NRP2: variants seen among roughly 807,000 people sequenced by gnomAD.
NRP2 encodes neuropilin-2.
NRP2 carries 52 observed loss-of-function variants against 110.4 expected under a neutral mutation model. The ratio of observed to expected loss-of-function variants is 0.47; its 90% CI spans 0.38 to 0.59. The LOEUF (loss-of-function observed/expected upper bound fraction) is 0.59, where lower values mean the gene tolerates loss of function less well. Among genes scored for constraint, NRP2 ranks in the 20% least tolerant of loss-of-function variants. The pLI, the probability that NRP2 is intolerant of heterozygous loss-of-function variation, is 0.00. For missense variants in NRP2, 1,049 were observed against 1,203.0 expected (o/e 0.87, Z 1.89); for synonymous variants, 508 against 468.9 (o/e 1.08, Z -1.08).
At position 205,683,064 on chromosome 2, in the gene NRP2, G is replaced by A. The variant is rs2056050397; in HGVS notation, c.-227G>A. ...AAGAGGAAAACCGTGTTCTCTTCCC[G>A]GCTTGTTCCCTCTTTGCTGATTTCA... On this transcript the variant is annotated 5_prime_UTR_variant, in exon 1 of 17. Coordinates refer to ENST00000357785, the MANE Select transcript of NRP2 (RefSeq NM_003872.3). The A allele has an allele frequency of 1.8e-6, 1 of 566,432 alleles. No individual in the cohort carries two copies. The highest frequency in any genetic ancestry group is 1.9e-5 in the African/African-American group (1 of 53,048). 35.1% of individuals were successfully genotyped at this position (566,432 alleles called of 1,614,324 possible).
intron 2 of NRP2, among the ~76,000 whole-genome samples, chr2:205,706,324 A>C (rs1338256265): frequency 6.6e-6 from 1 of 152,088 alleles, no homozygotes; most frequent in Non-Finnish European, 1.5e-5. Context: ...AGAGTGAACG[A>C]GGGGGGAAAT....
intron 1 of NRP2, among the ~76,000 whole-genome samples, chr2:205,693,550 G>A (rs2192886): frequency 0.38 from 57,739 of 151,904 alleles, 12,184 homozygotes; most frequent in African/African-American, 0.55. Flanking sequence ...TTCAAAAAAA[G>A]CAAATAAATT....
chr2:205,687,653 C>T (rs531010670), intron 1 of NRP2, among the ~76,000 whole-genome samples: 5 of 152,180 alleles, frequency 3.3e-5, no homozygotes, highest in African/African-American at 4.8e-5. Context: ...CATTAAGCTA[C>T]GGAGCACTCA....
chr2:205,708,505 T>G (rs1003436418), intron 2 of NRP2, among the ~76,000 whole-genome samples: 1 of 152,308 alleles, frequency 6.6e-6, no homozygotes. Context: ...GAGAGACTTA[T>G]CAGATGCGTT....
chr2:205,794,863 C>G lies in NRP2; in HGVS notation c.2586C>G (p.Ile862Met). ...SWLYTLDPIL[I>M]TIIAMSSLGV... Reference sequence around the variant, plus strand: ...TGTACACCCTGGATCCCATCCTCATCACCATCATCGCCATGAGCTCACTGG... The same window carrying G: ...TGTACACCCTGGATCCCATCCTCATGACCATCATCGCCATGAGCTCACTGG... Residue 862 changes from isoleucine (I) to methionine (M), a missense_variant, in exon 17 of 17, where the codon ATC becomes ATG. Physicochemically the swap from Ile to Met is conservative, Grantham distance 10 (BLOSUM62 1). Transcript: ENST00000357785. 1.9e-6 allele frequency: 3 copies of G among 1,614,240 alleles called. No homozygotes were observed. Among genetic ancestry groups the G allele is most frequent in the Non-Finnish European group, 2.5e-6 (3 of 1,180,044 alleles).
intron 11 of NRP2, among the ~76,000 whole-genome samples, chr2:205,750,861 G>A (rs2057631942): frequency 6.6e-6 from 1 of 152,192 alleles, no homozygotes; most frequent in South Asian, 2.1e-4. Context: ...CTGATGGAGT[G>A]GATGACTCCA....
At chr2:205,784,828 T>C (rs1222284175) in intron 15 of NRP2, among the ~76,000 whole-genome samples, 1 of 152,220 alleles carries the variant, frequency 6.6e-6, no homozygotes, top group African/African-American at 2.4e-5. Flanking sequence ...CAATGCCTTC[T>C]TCAAAAAAGC....
In NRP2 at chr2:205,793,719, G is replaced by A. The variant is rs116766217; in HGVS notation, c.2477-1035G>A. ...TTTTTCTAAGGATACCACTTTTATC[G>A]GATAAAGGTCCACCCTCATGACCTT... On this transcript the variant is annotated intron_variant, in intron 16 of 16. Transcript: ENST00000357785. 4.4e-3 allele frequency among the ~76,000 whole-genome samples: 668 copies of A among 152,156 alleles called. 5 individuals carry two copies. Among genetic ancestry groups the A allele is most frequent in the African/African-American group, 0.015 (609 of 41,520 alleles).
intron 13 of NRP2, among the ~76,000 whole-genome samples, chr2:205,764,936 G>A (rs925644116): frequency 1.3e-5 from 2 of 152,336 alleles, no homozygotes; most frequent in South Asian, 2.1e-4. Context: ...CCAGGGCATA[G>A]TAGGTGCTCA....
chr2:205,761,201 C>T (rs1186850932), intron 12 of NRP2, among the ~76,000 whole-genome samples: 2 of 152,168 alleles, frequency 1.3e-5, no homozygotes, highest in Non-Finnish European at 2.9e-5. Flanking sequence ...AATGTATAGC[C>T]TCATATCATT....
At chr2:205,751,950 C>T (rs2057653392) in intron 11 of NRP2, among the ~76,000 whole-genome samples, 1 of 152,198 alleles carries the variant, frequency 6.6e-6, no homozygotes, top group South Asian at 2.1e-4. Flanking sequence ...CACTTAGTCA[C>T]ATATTTGGCA....
At chr2:205,778,311 C>T (rs779646977) in intron 15 of NRP2, 2 of 151,318 alleles carry the variant, frequency 1.3e-5, no homozygotes, top group Non-Finnish European at 2.9e-5. Context: ...ACTCAACTTT[C>T]TCATCTGGTT....
intron 2 of NRP2, among the ~76,000 whole-genome samples, chr2:205,705,802 A>C (rs1272227702): frequency 6.6e-6 from 1 of 152,036 alleles, no homozygotes; most frequent in Non-Finnish European, 1.5e-5. Flanking sequence ...TACCTGTGTC[A>C]ATCTGCTTGG....
intron 13 of NRP2, among the ~76,000 whole-genome samples, chr2:205,764,706 G>A (rs971819262): frequency 1.6e-4 from 24 of 152,252 alleles, no homozygotes; most frequent in African/African-American, 5.5e-4. Flanking sequence ...AATGACTGAA[G>A]ACCACAGAGC....
chr2:205,703,050 C>A (rs1374380707), intron 2 of NRP2, among the ~76,000 whole-genome samples: 1 of 152,222 alleles, frequency 6.6e-6, no homozygotes, highest in Non-Finnish European at 1.5e-5. Flanking sequence ...TACTTCATAT[C>A]TAAACTCCCA....
At chr2:205,776,461 GCCC>G in intron 15 of NRP2, 1 of 1,612,438 alleles carries the variant, frequency 6.2e-7, no homozygotes, top group Non-Finnish European at 8.5e-7. Flanking sequence ...CACCAACGGG[GCCC>G]CTCTGGCGGT....
chr2:205,744,942 G>A (rs554609705), intron 9 of NRP2, among the ~76,000 whole-genome samples: 154 of 152,292 alleles, frequency 1.0e-3, no homozygotes, highest in African/African-American at 3.5e-3. Context: ...AGCCCTATCC[G>A]AGACAGTGCT....
chr2:205,792,225 T>C lies in NRP2; in HGVS notation c.2426-10T>C, dbSNP rs1344261933. 2 of 1,562,848 alleles carry C rather than the reference T, an allele frequency of 1.3e-6. No homozygotes were observed. The highest frequency in any genetic ancestry group is 1.4e-5 in the African/African-American group (1 of 73,912). ...GTTATTAACTTGTTTTTATTTTCTT[T>C]ATATTATAGTGGACATCCCAGAAAT... On this transcript the variant is annotated splice_polypyrimidine_tract_variant and intron_variant, in intron 15 of 16. Coordinates refer to ENST00000357785, the MANE Select transcript of NRP2 (RefSeq NM_003872.3).
chr2:205,688,836 C>CA (rs2056237487), intron 1 of NRP2, among the ~76,000 whole-genome samples: 2 of 142,152 alleles, frequency 1.4e-5, no homozygotes, highest in African/African-American at 5.1e-5. Context: ...TAGGAGTTGG[C>CA]AAAAAACAAA....
Sources: gnomAD v4.1 joint callset for allele counts (sites outside exome capture counted in the v4.1 genomes callset) on GRCh38, gnomAD v4.1.1 for gene constraint, MANE v1.5 for transcripts, NCBI Gene and HGNC (gene_info 2026-07-23, HGNC 2026-07-21) for gene names.